The following PLEKHA7 variants were observed in gnomAD, a reference collection of about 807,000 sequenced individuals.
PLEKHA7 encodes the protein pleckstrin homology domain-containing family A member 7.
A neutral mutation model predicts 170.0 loss-of-function variants in PLEKHA7; 104 were observed. The observed-to-expected ratio is 0.61, with a 90% CI of 0.52 to 0.72. The LOEUF (loss-of-function observed/expected upper bound fraction) is 0.72. PLEKHA7 is among the 30% of genes least tolerant of loss of function. PLEKHA7 has a pLI of 0.00. For synonymous variants in PLEKHA7, 648 were observed against 660.8 expected (o/e 0.98, Z 0.30); for missense variants, 1,615 against 1,671.7 (o/e 0.97, Z 0.59).
At chr11:16,827,600 G>A (rs1331381307) in intron 9 of PLEKHA7, among the ~76,000 whole-genome samples, 1 of 152,134 alleles carries the variant, frequency 6.6e-6, no homozygotes, top group Non-Finnish European at 1.5e-5. Flanking sequence ...CCTCTTTCAT[G>A]GTCCATCTCC....
intron 10 of PLEKHA7, among the ~76,000 whole-genome samples, chr11:16,818,696 G>T (rs961863009): frequency 6.6e-6 from 1 of 152,154 alleles, no homozygotes. Flanking sequence ...GTCTAAGAAA[G>T]TCCTGTGCGT....
chr11:16,803,102 T>C, intron 14 of PLEKHA7, 50 bp from the exon 15 acceptor site: 1 of 1,574,124 alleles, frequency 6.4e-7, no homozygotes, highest in Middle Eastern at 1.7e-4. Flanking sequence ...GAAAAGGACA[T>C]GACCTTGGGA....
chr11:16,821,827 T>C (rs1162544858), intron 10 of PLEKHA7, among the ~76,000 whole-genome samples: 1 of 152,224 alleles, frequency 6.6e-6, no homozygotes, highest in African/African-American at 2.4e-5. Flanking sequence ...TTTTCTGTTC[T>C]GTCTTCTGCC....
chr11:16,992,349 A>T (rs1864096233), intron 3 of PLEKHA7, among the ~76,000 whole-genome samples: 1 of 152,224 alleles, frequency 6.6e-6, no homozygotes, highest in Non-Finnish European at 1.5e-5. Context: ...ATATGGGTTC[A>T]AGCCCTGGCT....
intron 10 of PLEKHA7, among the ~76,000 whole-genome samples, chr11:16,824,278 T>C (rs1850463341): frequency 6.6e-6 from 1 of 152,212 alleles, no homozygotes; most frequent in African/African-American, 2.4e-5. Context: ...GTCATGCCTA[T>C]AATCTCGGCA....
intron 11 of PLEKHA7, 67 bp from the exon 12 acceptor site, chr11:16,816,331 G>A (rs1458425489): frequency 2.0e-5 from 23 of 1,135,036 alleles, no homozygotes; most frequent in South Asian, 5.1e-5. Flanking sequence ...CAGGGAAGCC[G>A]CCCCATGCCA....
At chr11:16,996,988 C>T (rs930713005) in intron 3 of PLEKHA7, among the ~76,000 whole-genome samples, 2 of 152,142 alleles carry the variant, frequency 1.3e-5, no homozygotes, top group African/African-American at 2.4e-5. Flanking sequence ...TGGGTATCAG[C>T]TTCAAGTTCA....
chr11:16,883,880 C>T (rs1855882635), intron 3 of PLEKHA7, among the ~76,000 whole-genome samples: 1 of 152,162 alleles, frequency 6.6e-6, no homozygotes, highest in African/African-American at 2.4e-5. Flanking sequence ...AAAGCAGTTC[C>T]TTTTCCTGCC....
At chr11:16,877,581 C>G (rs950498299) in intron 3 of PLEKHA7, among the ~76,000 whole-genome samples, 3 of 152,222 alleles carry the variant, frequency 2.0e-5, no homozygotes, top group Non-Finnish European at 4.4e-5. Flanking sequence ...GTCTTTCAAG[C>G]TTGCACTATT....
At chr11:16,892,928 A>T (rs2135958275) in intron 3 of PLEKHA7, among the ~76,000 whole-genome samples, 1 of 152,284 alleles carries the variant, frequency 6.6e-6, no homozygotes, top group Non-Finnish European at 1.5e-5. Context: ...TGCCTTACAG[A>T]TGGCACCTTC....
At chr11:16,912,708 G>C (rs1413918909) in intron 3 of PLEKHA7, among the ~76,000 whole-genome samples, 1 of 152,170 alleles carries the variant, frequency 6.6e-6, no homozygotes, top group Non-Finnish European at 1.5e-5. Context: ...GTGATAGAGG[G>C]GAGGGCAGGG....
chr11:17,000,172 C>G (rs1022883913), intron 3 of PLEKHA7, among the ~76,000 whole-genome samples: 1 of 152,210 alleles, frequency 6.6e-6, no homozygotes, highest in East Asian at 1.9e-4. Context: ...TAACCTCTGT[C>G]TCCCAGGTTC....
intron 9 of PLEKHA7, 87 bp downstream of exon 9, chr11:16,841,460 T>C: frequency 2.1e-6 from 3 of 1,416,460 alleles, no homozygotes. Flanking sequence ...AGTGAGTAAA[T>C]GGAATCTCAG....
intron 21 of PLEKHA7, chr11:16,790,189 C>T: frequency 2.5e-6 from 1 of 395,558 alleles, no homozygotes; most frequent in South Asian, 2.7e-5. Context: ...GAATGCCTTT[C>T]ACCCCCTGAT....
chr11:16,851,346 T>C, intron 7 of PLEKHA7, 55 bp from the exon 8 acceptor site: 1 of 1,341,698 alleles, frequency 7.5e-7, no homozygotes, highest in Non-Finnish European at 1.0e-6. Context: ...CCTGGGCTCA[T>C]CTGTCCCACT....
At chr11:16,792,106 G>T (rs1254526367) in intron 19 of PLEKHA7, among the ~76,000 whole-genome samples, 1 of 152,218 alleles carries the variant, frequency 6.6e-6, no homozygotes, top group Non-Finnish European at 1.5e-5. Flanking sequence ...TCACTGATGT[G>T]TGAAAGTTAA....
At chr11:16,987,402 C>G (rs184809178) in intron 3 of PLEKHA7, among the ~76,000 whole-genome samples, 1 of 152,308 alleles carries the variant, frequency 6.6e-6, no homozygotes, top group Non-Finnish European at 1.5e-5. Flanking sequence ...TTTGCTCCCT[C>G]CTTTTCCTCC....
At chr11:16,847,078 GTTTTTTTTTTTCTTTT>G (rs1852471477) in intron 8 of PLEKHA7, among the ~76,000 whole-genome samples, 2 of 129,536 alleles carry the variant, frequency 1.5e-5, no homozygotes, top group African/African-American at 2.9e-5. Flanking sequence ...TGTGGCTGAA[GTTTTTTTTTTTCTTTT>G]TTTTTTTTTT....
intron 4 of PLEKHA7, among the ~76,000 whole-genome samples, chr11:16,859,044 C>T (rs1369361120): frequency 6.6e-6 from 1 of 152,178 alleles, no homozygotes; most frequent in African/African-American, 2.4e-5. Flanking sequence ...CCATAGAAAG[C>T]CTATTAGGAA....
Sources: allele counts gnomAD v4.1 joint callset (sites outside exome capture counted in the v4.1 genomes callset), GRCh38; gene constraint gnomAD v4.1.1; transcripts MANE v1.5; gene names NCBI Gene and HGNC (gene_info 2026-07-23, HGNC 2026-07-21).